PRDX6: variants seen among roughly 807,000 people sequenced by gnomAD.
The protein encoded by PRDX6 is peroxiredoxin-6.
Under a neutral mutation model 20.0 loss-of-function variants are expected in PRDX6, and 13 were observed. That is an observed-to-expected ratio of 0.65 (90% CI 0.42 to 1.03). The LOEUF is 1.03. Ranked by LOEUF, PRDX6 falls within the 50% of genes least tolerant of loss-of-function variation. The pLI is 0.00. For missense variants in PRDX6, 203 were observed against 276.9 expected, an observed-to-expected ratio of 0.73 and a Z score of 1.89; for synonymous variants, 85 against 100.8, an observed-to-expected ratio of 0.84 and a Z score of 0.94.
At chr1:173,487,276 G>A (rs1658916956) in intron 4 of PRDX6, among the ~76,000 whole-genome samples, 4 of 152,210 alleles carry the variant, frequency 2.6e-5, no homozygotes, top group Admixed American at 2.6e-4. Context: ...TGTGACCAAG[G>A]CATGTATACT....
chr1:173,481,448 T>C lies in PRDX6; in HGVS notation c.218T>C (p.Ile73Thr). 6.2e-7 allele frequency: 1 copy of C among 1,614,162 alleles called. No homozygotes were observed. Among genetic ancestry groups the C allele is most frequent in the Non-Finnish European group, 8.5e-7 (1 of 1,180,008 alleles). The change falls in exon 2 of 5, where the codon ATA (isoleucine) becomes ACA (threonine). Residue 73 changes from isoleucine to threonine, a missense_variant. By Grantham distance (89) the Ile-to-Thr change is moderately conservative (BLOSUM62 -1). Coordinates refer to ENST00000340385, the MANE Select transcript of PRDX6 (RefSeq NM_004905.3). ...AATGTTAAGTTGATTGCCCTTTCAA[T>C]AGACAGTGTTGAGGACCATCTTGCC... is the stretch of plus-strand genomic sequence containing the variant. ...KRNVKLIALSIDSVEDHLAWS... is the reference protein window; with the variant it reads ...KRNVKLIALSTDSVEDHLAWS...
chr1:173,487,193 C>T lies in PRDX6; in HGVS notation c.547-542C>T, dbSNP rs35524874. 3.5e-4 allele frequency among the ~76,000 whole-genome samples: 53 copies of T among 152,208 alleles called. 1 individual carries two copies. The East Asian group carries it at 8.3e-3, about 24-fold the overall frequency. ...CAAGCACAGATGGGGAGAATAACAG[C>T]ACAGGGGTGGGAGAGTGACTGTCAA... On this transcript the variant is annotated intron_variant, in intron 4 of 4. Transcript: ENST00000340385.
Position 173,487,732 on chromosome 1 carries a change from T to C in PRDX6, c.547-3T>C. 1.9e-6 allele frequency: 3 copies of C among 1,613,700 alleles called. No individual in the cohort carries two copies. The highest frequency in any genetic ancestry group is 2.5e-6 in the Non-Finnish European group (3 of 1,179,858). On this transcript the variant is annotated splice_region_variant and splice_polypyrimidine_tract_variant and intron_variant, in intron 4 of 4. Transcript: ENST00000340385. ...TTTCACCATTCTCAATGTCTTTCAA[T>C]AGGATGGGGATAGTGTGATGGTCCT...
chr1:173,483,810 A>T (rs889932251), intron 2 of PRDX6, among the ~76,000 whole-genome samples: 2 of 152,064 alleles, frequency 1.3e-5, no homozygotes, highest in Non-Finnish European at 2.9e-5. Context: ...TGTTTCATTA[A>T]TATCGTTCCT....
intron 2 of PRDX6, 105 bp downstream of exon 2, chr1:173,481,587 A>T: frequency 8.4e-7 from 1 of 1,189,354 alleles, no homozygotes; most frequent in Non-Finnish European, 1.2e-6. Flanking sequence ...CTTAGGTTCA[A>T]AGTTCACTAA....
At chr1:173,484,915 T>G (rs1051399801) in intron 2 of PRDX6, among the ~76,000 whole-genome samples, 4 of 151,796 alleles carry the variant, frequency 2.6e-5, no homozygotes, top group African/African-American at 7.3e-5. Flanking sequence ...CTTTATGAGG[T>G]AGGGACCAGA....
chr1:173,486,489 CT>C (rs1388547354), intron 4 of PRDX6, 88 bp downstream of exon 4: 1 of 1,384,878 alleles, frequency 7.2e-7, no homozygotes, highest in East Asian at 2.4e-5. Flanking sequence ...TTACCTGTTT[CT>C]AGCACGCAAG....
intron 3 of PRDX6, 63 bp downstream of exon 3, chr1:173,485,570 G>C (rs1202391272): frequency 2.9e-6 from 4 of 1,392,556 alleles, no homozygotes; most frequent in Non-Finnish European, 3.9e-6. Flanking sequence ...CCGTGTAAAT[G>C]CTGGTACCAG....
At chr1:173,483,449 C>G (rs966286074) in intron 2 of PRDX6, among the ~76,000 whole-genome samples, 9 of 152,062 alleles carry the variant, frequency 5.9e-5, no homozygotes, top group Non-Finnish European at 1.2e-4. Flanking sequence ...CATCCGGGAG[C>G]CTGAGGCAGG....
In PRDX6 at chr1:173,487,811, C is replaced by T. The variant is rs1658925390; in HGVS notation, c.623C>T (p.Thr208Ile). 6.2e-7 allele frequency: 1 copy of T among 1,613,918 alleles called. No homozygotes were observed. The highest frequency in any genetic ancestry group is 1.3e-5 in the African/African-American group (1 of 75,046). ...AKKLFPKGVF[T>I]KELPSGKKYL... ...AAACTTTTCCCGAAAGGAGTCTTCA[C>T]CAAAGAGCTCCCATCTGGCAAGAAA... The change falls in exon 5 of 5, where the codon ACC becomes ATC. Residue 208 changes from threonine (T) to isoleucine (I), a missense_variant. Transcript: ENST00000340385.
rs979111168 is a variant in PRDX6, at chr1:173,481,537, T to C, written c.252+55T>C. ...CTGAGATTATAGGTCAAGTTATAAA[T>C]TATGGAGTACTTGGTTTTGAGGTTA... On this transcript the variant is annotated intron_variant, in intron 2 of 4. Transcript: ENST00000340385. The C allele has an allele frequency of 6.4e-6, 10 of 1,554,138 alleles. No homozygotes were observed. The African/African-American group carries it at 1.2e-4, about 19-fold the overall frequency.
Position 173,477,442 on chromosome 1 carries a change from G to A in PRDX6, c.45G>A (p.Glu15=). Reference sequence around the variant, plus strand: ...TCGGGGACGTGGCTCCCAACTTTGAGGCCAATACCACCGTCGGCCGCATCC... The same window carrying A: ...TCGGGGACGTGGCTCCCAACTTTGAAGCCAATACCACCGTCGGCCGCATCC... The part of the protein sequence containing the change: ...LLLGDVAPNF[E]ANTTVGRIRF... The change falls in exon 1 of 5, where the codon GAG becomes GAA. Residue 15 remains glutamate (E), a synonymous_variant. Transcript: ENST00000340385. 1 of 1,608,606 alleles carries A rather than the reference G, an allele frequency of 6.2e-7. No individual in the cohort carries two copies.
In PRDX6 at chr1:173,485,499, G is replaced by A; in HGVS notation, c.391G>A (p.Ala131Thr). Residue 131 changes from alanine (A) to threonine (T), a missense_variant, in exon 3 of 5, where the codon GCT becomes ACT. Coordinates refer to ENST00000340385, the MANE Select transcript of PRDX6 (RefSeq NM_004905.3). ...GGATGAAAAGGGCATGCCTGTGACA[G>A]CTCGTGTGGTAGGTCATACAAATTC... Reference protein sequence around the residue: ...EKDEKGMPVTARVVFVFGPDK... With the variant: ...EKDEKGMPVTTRVVFVFGPDK... 1.9e-6 allele frequency: 3 copies of A among 1,595,204 alleles called. No homozygotes were observed. Among genetic ancestry groups the A allele is most frequent in the African/African-American group, 1.3e-5 (1 of 74,332 alleles).
intron 1 of PRDX6, among the ~76,000 whole-genome samples, chr1:173,477,795 T>C (rs6671141): frequency 6.6e-6 from 1 of 152,206 alleles, no homozygotes; most frequent in East Asian, 1.9e-4. Context: ...GATAAAATTG[T>C]GTTCTGCGGG....
intron 1 of PRDX6, 62 bp downstream of exon 1, chr1:173,477,554 C>A: frequency 7.4e-7 from 1 of 1,342,438 alleles, no homozygotes; most frequent in South Asian, 1.2e-5. Flanking sequence ...AGGTGCCTTC[C>A]CTGTTTCTTC....
chr1:173,487,956 C>A lies in PRDX6; in HGVS notation c.*93C>A. ...TTCCATAAACACATCCTGGTGTCAT[C>A]ACAGCCAAGGTTTTTAGGTTGCTAT... On this transcript the variant is annotated 3_prime_UTR_variant, in exon 5 of 5. Transcript: ENST00000340385. The A allele has an allele frequency of 6.6e-7, 1 of 1,516,670 alleles. No individual in the cohort carries two copies. The allele number at this position is 1,516,670 out of a possible 1,614,324, so 94.0% of individuals were successfully genotyped here. A position where few individuals can be genotyped will look rare whatever the true frequency, so the allele number is the denominator to read the frequency against.
chr1:173,486,881 A>T (rs1179373019), intron 4 of PRDX6, among the ~76,000 whole-genome samples: 1 of 152,246 alleles, frequency 6.6e-6, no homozygotes, highest in Non-Finnish European at 1.5e-5. Context: ...GGACATGGAT[A>T]ACATCACAAG....
At chr1:173,478,180 A>G (rs150801747) in intron 1 of PRDX6, among the ~76,000 whole-genome samples, 53 of 152,364 alleles carry the variant, frequency 3.5e-4, no homozygotes, top group African/African-American at 1.2e-3. Context: ...TGGCCAAGAT[A>G]TGATTTGATA....
intron 2 of PRDX6, among the ~76,000 whole-genome samples, chr1:173,483,859 C>T (rs1571397010): frequency 6.6e-6 from 1 of 151,994 alleles, no homozygotes; most frequent in East Asian, 1.9e-4. Context: ...TCCCAACACT[C>T]TGGGAGGCTG....
Sources: gnomAD v4.1 joint callset for allele counts (sites outside exome capture counted in the v4.1 genomes callset) on GRCh38, gnomAD v4.1.1 for gene constraint, MANE v1.5 for transcripts, NCBI Gene and HGNC (gene_info 2026-07-23, HGNC 2026-07-21) for gene names.